Variants in CLRN1 observed in about 807,000 individuals in gnomAD.
CLRN1 encodes the protein clarin-1.
In CLRN1, 15 loss-of-function variants were observed where a neutral mutation model predicts 18.7. The ratio of observed to expected loss-of-function variants is 0.80; its 90% CI spans 0.54 to 1.23. The LOEUF is 1.23. Among genes scored for constraint, CLRN1 ranks in the 50% most tolerant of loss-of-function variants. CLRN1 has a pLI of 0.00. For missense variants in CLRN1, 311 were observed against 277.5 expected, an observed-to-expected ratio of 1.12 and a Z score of -0.86; for synonymous variants, 104 against 102.9, an observed-to-expected ratio of 1.01 and a Z score of -0.07.
intron 2 of CLRN1, among the ~76,000 whole-genome samples, chr3:150,934,106 A>G (rs1397471160): frequency 6.6e-6 from 1 of 151,992 alleles, no homozygotes; most frequent in Non-Finnish European, 1.5e-5. Context: ...TAAGATGCAG[A>G]TTTTTTTTCA....
intron 1 of CLRN1, among the ~76,000 whole-genome samples, chr3:150,949,000 C>T (rs1714337886): frequency 6.6e-6 from 1 of 152,146 alleles, no homozygotes; most frequent in South Asian, 2.1e-4. Context: ...TATCAAAAAG[C>T]TAAACCACCA....
chr3:150,958,993 A>G (rs966356126), intron 1 of CLRN1, among the ~76,000 whole-genome samples: 1 of 152,234 alleles, frequency 6.6e-6, no homozygotes, highest in South Asian at 2.1e-4. Flanking sequence ...GCTCCAGCCA[A>G]TCTCCAAAAA....
intron 1 of CLRN1, among the ~76,000 whole-genome samples, chr3:150,964,077 C>T (rs1184008231): frequency 6.6e-6 from 1 of 152,074 alleles, no homozygotes; most frequent in Non-Finnish European, 1.5e-5. Flanking sequence ...TCTAATTAAA[C>T]TAAAAAAACT....
Position 150,943,854 on chromosome 3 carries a change from T to A in CLRN1, c.254-2093A>T. 2 of 1,614,186 alleles carry A rather than the reference T, an allele frequency of 1.2e-6. 1 individual carries two copies. The highest frequency in any genetic ancestry group is 2.7e-5 in the African/African-American group (2 of 75,060). On this transcript the variant is annotated intron_variant, in intron 1 of 2. Coordinates refer to ENST00000327047, the MANE Select transcript of CLRN1 (RefSeq NM_174878.3). ...GCTGCAGGGCCTGCATGGAGTTTAC[T>A]CCTCACAGCACTAAAGCAGCCAGCT...
intron 1 of CLRN1, among the ~76,000 whole-genome samples, chr3:150,971,116 C>G (rs140017469): frequency 6.6e-5 from 10 of 152,310 alleles, no homozygotes; most frequent in African/African-American, 2.4e-4. Flanking sequence ...CGGTGACTCA[C>G]GGTTAAATCA....
At chr3:150,934,642 G>A (rs1713351766) in intron 2 of CLRN1, among the ~76,000 whole-genome samples, 1 of 152,106 alleles carries the variant, frequency 6.6e-6, no homozygotes, top group African/African-American at 2.4e-5. Context: ...TTTACATGCA[G>A]ATCTAGGTAA....
At chr3:150,929,220 T>C (rs1576624149) in intron 2 of CLRN1, among the ~76,000 whole-genome samples, 2 of 152,166 alleles carry the variant, frequency 1.3e-5, no homozygotes, top group East Asian at 3.9e-4. Context: ...TTCGGTGAGA[T>C]TGCTGTGGGA....
chr3:150,929,162 T>G (rs1407437822), intron 2 of CLRN1, among the ~76,000 whole-genome samples: 1 of 152,240 alleles, frequency 6.6e-6, no homozygotes, highest in Non-Finnish European at 1.5e-5. Flanking sequence ...TTTTTCCCCC[T>G]CATCTATCAC....
rs180752735 is a variant in CLRN1 at position 150,967,403 on chromosome 3, A to G, written c.253+5053T>C. Among the ~76,000 whole-genome samples the G allele has an allele frequency of 1.4e-3, 220 of 151,970 alleles. 1 individual carries two copies. The highest frequency in any genetic ancestry group is 5.0e-3 in the African/African-American group (208 of 41,454). Reference sequence around the variant, plus strand: ...TATTCCATTAATTGCTTTTTTTTTAATGGGAGGTAAACAAAACCTCTATTT... The same window carrying G: ...TATTCCATTAATTGCTTTTTTTTTAGTGGGAGGTAAACAAAACCTCTATTT... On this transcript the variant is annotated intron_variant, in intron 1 of 2. Transcript: ENST00000327047.
intron 1 of CLRN1, chr3:150,944,082 T>A: frequency 1.6e-6 from 1 of 641,964 alleles, no homozygotes; most frequent in South Asian, 1.8e-5. Flanking sequence ...TCTGAGTGGA[T>A]GGGCATGGTC....
chr3:150,959,644 A>G lies in CLRN1; in HGVS notation c.253+12812T>C, dbSNP rs1714929797. ...ACTTTGTCTCAAAAAAAAAAAAAAA[A>G]AAGGTTACTGGAGGGTAATAAGAAT... On this transcript the variant is annotated intron_variant, in intron 1 of 2. Transcript: ENST00000327047. Among the ~76,000 whole-genome samples, 5 of 152,132 alleles carry G rather than the reference A, an allele frequency of 3.3e-5. No individual in the cohort carries two copies. The South Asian group carries it at 1.0e-3, about 32-fold the overall frequency.
chr3:150,949,240 C>A (rs997500607), intron 1 of CLRN1, among the ~76,000 whole-genome samples: 8 of 152,124 alleles, frequency 5.3e-5, no homozygotes, highest in African/African-American at 1.4e-4. Context: ...TGACAAACCA[C>A]CACAAACATC....
At chr3:150,940,120 CTTCATGCTGAATGCTTTCGTTAGAG>C (rs1713726009) in intron 2 of CLRN1, among the ~76,000 whole-genome samples, 1 of 152,212 alleles carries the variant, frequency 6.6e-6, no homozygotes, top group Non-Finnish European at 1.5e-5. Context: ...GTGTACAGAG[CTTCATGCTGAATGCTTTCGTTAGAG>C]ATACAAAGAT....
At chr3:150,971,625 G>T (rs956191927) in intron 1 of CLRN1, among the ~76,000 whole-genome samples, 8 of 152,148 alleles carry the variant, frequency 5.3e-5, no homozygotes, top group African/African-American at 7.2e-5. Flanking sequence ...TCTTCATAAG[G>T]TTGTTCCAAA....
chr3:150,938,758 C>T (rs527766889), intron 2 of CLRN1, among the ~76,000 whole-genome samples: 1 of 152,276 alleles, frequency 6.6e-6, no homozygotes, highest in East Asian at 1.9e-4. Flanking sequence ...ATTCACAAAC[C>T]TTTATTGAGC....
Position 150,950,765 on chromosome 3 carries a change from C to T in CLRN1, c.254-9004G>A, listed in dbSNP as rs991548150. On this transcript the variant is annotated intron_variant, in intron 1 of 2. Coordinates refer to ENST00000327047, the MANE Select transcript of CLRN1 (RefSeq NM_174878.3). ...TGGTGATTCTGCAAAGAGCTAAAAG[C>T]AGAACGACCATTTGACCCAGCAATC... 6.6e-5 allele frequency among the ~76,000 whole-genome samples: 10 copies of T among 152,122 alleles called. 1 individual carries two copies. The highest frequency in any genetic ancestry group is 5.2e-4 in the Admixed American group (8 of 15,276).
At chr3:150,946,700 A>G (rs1238617671) in intron 1 of CLRN1, among the ~76,000 whole-genome samples, 1 of 125,028 alleles carries the variant, frequency 8.0e-6, no homozygotes, top group East Asian at 2.8e-4. Flanking sequence ...TGAACAGACC[A>G]TTTCTTTTTT....
At chr3:150,953,647 A>G (rs1714597106) in intron 1 of CLRN1, among the ~76,000 whole-genome samples, 1 of 152,052 alleles carries the variant, frequency 6.6e-6, no homozygotes, top group Admixed American at 6.6e-5. Flanking sequence ...CCACTCAAGT[A>G]GCTGGGATTA....
rs149500039 is a variant in CLRN1 at position 150,963,756 on chromosome 3, T to C, written c.253+8700A>G. On this transcript the variant is annotated intron_variant, in intron 1 of 2. Transcript: ENST00000327047. Reference sequence around the variant, plus strand: ...AACAGAACAGAGGCCTCAGAAATAATGCCACACATCTACAACCATCTGCTC... The same window carrying C: ...AACAGAACAGAGGCCTCAGAAATAACGCCACACATCTACAACCATCTGCTC... Among the ~76,000 whole-genome samples the C allele has an allele frequency of 3.1e-3, 474 of 152,130 alleles. 5 individuals carry two copies. The highest frequency in any genetic ancestry group is 0.011 in the African/African-American group (443 of 41,508).
Sources: gnomAD v4.1 joint callset for allele counts (sites outside exome capture counted in the v4.1 genomes callset) on GRCh38, gnomAD v4.1.1 for gene constraint, MANE v1.5 for transcripts, NCBI Gene and HGNC (gene_info 2026-07-23, HGNC 2026-07-21) for gene names.